Variants in INPP4B observed in about 807,000 individuals in gnomAD.
INPP4B encodes inositol polyphosphate-4-phosphatase type II B, also known as inositol polyphosphate 4-phosphatase type II.
Under a neutral mutation model 122.5 loss-of-function variants are expected in INPP4B, and 55 were observed. That is an observed-to-expected ratio of 0.45 (90% CI 0.36 to 0.56). INPP4B has a LOEUF of 0.56. Ranked by LOEUF, INPP4B falls within the 20% of genes least tolerant of loss-of-function variation. INPP4B has a pLI of 0.00. For synonymous variants in INPP4B, 403 were observed against 388.7 expected, an observed-to-expected ratio of 1.04 and a Z score of -0.43; for missense variants, 1,000 against 1,097.7, an observed-to-expected ratio of 0.91 and a Z score of 1.26.
chr4:142,091,073 C>T (rs1578867213), intron 23 of INPP4B, among the ~76,000 whole-genome samples: 1 of 152,042 alleles, frequency 6.6e-6, no homozygotes, highest in African/African-American at 2.4e-5. Flanking sequence ...TATTGATGTT[C>T]TCATAGGAGG....
intron 11 of INPP4B, among the ~76,000 whole-genome samples, chr4:142,243,790 G>A (rs958546273): frequency 2.0e-5 from 3 of 152,112 alleles, no homozygotes; most frequent in African/African-American, 7.2e-5. Context: ...ATCATGCATT[G>A]TTTGGATGGG....
intron 2 of INPP4B, among the ~76,000 whole-genome samples, chr4:142,479,792 A>G (rs2149729859): frequency 6.6e-6 from 1 of 152,222 alleles, no homozygotes; most frequent in Non-Finnish European, 1.5e-5. Context: ...GGGAATAGAT[A>G]CTGGGGCCTA....
intron 18 of INPP4B, among the ~76,000 whole-genome samples, chr4:142,130,673 A>G (rs1005832110): frequency 3.9e-5 from 6 of 152,250 alleles, no homozygotes; most frequent in Non-Finnish European, 5.9e-5. Flanking sequence ...GGACATTCAC[A>G]TAAAGAACAA....
At chr4:142,046,333 A>G (rs925820266) in intron 25 of INPP4B, among the ~76,000 whole-genome samples, 1 of 152,090 alleles carries the variant, frequency 6.6e-6, no homozygotes, top group African/African-American at 2.4e-5. Flanking sequence ...ATCAACTACA[A>G]TCGAAGACAG....
At chr4:142,122,800 C>T (rs1398475230) in intron 20 of INPP4B, among the ~76,000 whole-genome samples, 4 of 151,702 alleles carry the variant, frequency 2.6e-5, no homozygotes, top group Non-Finnish European at 5.9e-5. Context: ...TTACTTAATC[C>T]AGTATATCCA....
intron 2 of INPP4B, among the ~76,000 whole-genome samples, chr4:142,719,449 T>C (rs1042674769): frequency 6.6e-6 from 1 of 151,956 alleles, no homozygotes; most frequent in Non-Finnish European, 1.5e-5. Flanking sequence ...CTCAGCCTCC[T>C]GAGTAGCTAG....
intron 2 of INPP4B, among the ~76,000 whole-genome samples, chr4:142,693,146 T>A (rs1352249154): frequency 1.3e-5 from 2 of 152,170 alleles, no homozygotes; most frequent in Non-Finnish European, 1.5e-5. Context: ...TTCCCTTTTG[T>A]ATTGCATTTC....
At chr4:142,162,598 A>T (rs962831000) in intron 16 of INPP4B, among the ~76,000 whole-genome samples, 1 of 151,892 alleles carries the variant, frequency 6.6e-6, no homozygotes, top group African/African-American at 2.4e-5. Flanking sequence ...CAATACTCAT[A>T]TAATTGCCAT....
At chr4:142,440,718 T>A (rs1013118246) in intron 3 of INPP4B, among the ~76,000 whole-genome samples, 8 of 149,490 alleles carry the variant, frequency 5.4e-5, no homozygotes, top group African/African-American at 1.9e-4. Flanking sequence ...AAACTTTGAG[T>A]CTCCTTCTTT....
At chr4:142,700,709 A>G (rs921529544) in intron 2 of INPP4B, among the ~76,000 whole-genome samples, 5 of 151,860 alleles carry the variant, frequency 3.3e-5, no homozygotes, top group African/African-American at 1.2e-4. Flanking sequence ...GCATTTTCCT[A>G]TCTCAGATTA....
chr4:142,705,658 T>C (rs75178979), intron 2 of INPP4B, among the ~76,000 whole-genome samples: 6,287 of 152,250 alleles, frequency 0.041, 158 homozygotes, highest in African/African-American at 0.056. Flanking sequence ...TTCCTACCTC[T>C]GCCACTCATT....
chr4:142,755,224 G>T (rs1770339820), intron 1 of INPP4B, among the ~76,000 whole-genome samples: 1 of 151,862 alleles, frequency 6.6e-6, no homozygotes, highest in African/African-American at 2.4e-5. Flanking sequence ...CTTTCTGAAG[G>T]GCATTGAGTG....
chr4:142,162,764 G>A (rs1009190094), intron 16 of INPP4B, among the ~76,000 whole-genome samples: 2 of 151,884 alleles, frequency 1.3e-5, no homozygotes, highest in South Asian at 2.1e-4. Context: ...GATCATGCAG[G>A]AGAGTCCTGC....
At chr4:142,722,403 G>A (rs890165201) in intron 2 of INPP4B, among the ~76,000 whole-genome samples, 4 of 152,140 alleles carry the variant, frequency 2.6e-5, no homozygotes, top group Non-Finnish European at 5.9e-5. Flanking sequence ...CATAAATAAG[G>A]TAAGAAACAT....
chr4:142,817,087 C>T (rs1280751651), intron 1 of INPP4B, among the ~76,000 whole-genome samples: 1 of 152,022 alleles, frequency 6.6e-6, no homozygotes, highest in Admixed American at 6.6e-5. Flanking sequence ...CATACCAGTC[C>T]TTCTCTGTCA....
At chr4:142,680,089 G>C (rs756311151) in intron 2 of INPP4B, among the ~76,000 whole-genome samples, 13 of 151,786 alleles carry the variant, frequency 8.6e-5, no homozygotes, top group Non-Finnish European at 1.9e-4. Flanking sequence ...TTCTGATTTA[G>C]AGCTATAACA....
At chr4:142,679,921 A>G (rs1317013815) in intron 2 of INPP4B, among the ~76,000 whole-genome samples, 1 of 151,898 alleles carries the variant, frequency 6.6e-6, no homozygotes, top group East Asian at 1.9e-4. Context: ...TAGATACCCT[A>G]CGGTATTATC....
intron 2 of INPP4B, among the ~76,000 whole-genome samples, chr4:142,659,192 G>A (rs1301500810): frequency 6.6e-6 from 1 of 151,118 alleles, no homozygotes; most frequent in East Asian, 1.9e-4. Context: ...CAGGTCAGGA[G>A]ATTGAGACCA....
At position 142,446,829 on chromosome 4, in the gene INPP4B, C is replaced by T. The variant is rs1379952911; in HGVS notation, c.-126-15444G>A. Among the ~76,000 whole-genome samples the T allele has an allele frequency of 3.3e-5, 5 of 152,256 alleles. No individual in the cohort carries two copies. In the East Asian group the frequency reaches 9.6e-4, roughly 29 times the overall value. On this transcript the variant is annotated intron_variant, in intron 3 of 25. Coordinates refer to ENST00000262992, the MANE Select transcript of INPP4B (RefSeq NM_001101669.3). Reference sequence around the variant, plus strand: ...AAAACAATACTCTTTGGTTCTATAGCTTGGTGCAAAAGTAATTGCTAATTT... The same window carrying T: ...AAAACAATACTCTTTGGTTCTATAGTTTGGTGCAAAAGTAATTGCTAATTT...
Sources: allele counts gnomAD v4.1 joint callset (sites outside exome capture counted in the v4.1 genomes callset), GRCh38; gene constraint gnomAD v4.1.1; transcripts MANE v1.5; gene names NCBI Gene and HGNC (gene_info 2026-07-23, HGNC 2026-07-21).